The following CDH13 variants were observed in gnomAD, a reference collection of about 807,000 sequenced individuals.
The protein encoded by CDH13 is cadherin 13.
In CDH13, 24 loss-of-function variants were observed where a neutral mutation model predicts 63.8. That is an observed-to-expected ratio of 0.38 (90% CI 0.27 to 0.53). CDH13 has a LOEUF of 0.53. CDH13 is among the 20% of genes least tolerant of loss of function. The pLI, the probability that CDH13 is intolerant of heterozygous loss-of-function variation, is 0.85. For missense variants in CDH13, 1,049 were observed against 903.1 expected, an observed-to-expected ratio of 1.16 and a Z score of -2.07; for synonymous variants, 503 against 355.3, an observed-to-expected ratio of 1.42 and a Z score of -4.67.
chr16:83,279,672 CCT>C (rs1179633958), intron 5 of CDH13, among the ~76,000 whole-genome samples: 1 of 152,136 alleles, frequency 6.6e-6, no homozygotes, highest in African/African-American at 2.4e-5. Context: ...TCATTAGCTT[CCT>C]CTCTCACAAC....
intron 1 of CDH13, among the ~76,000 whole-genome samples, chr16:82,739,085 G>C (rs1257976346): frequency 2.6e-5 from 4 of 152,166 alleles, no homozygotes; most frequent in African/African-American, 9.7e-5. Context: ...CTGTGCCCTG[G>C]TTATGATTGA....
intron 5 of CDH13, among the ~76,000 whole-genome samples, chr16:83,265,463 C>T (rs1054831990): frequency 6.6e-6 from 1 of 152,148 alleles, no homozygotes; most frequent in African/African-American, 2.4e-5. Flanking sequence ...TTTCTTTCAG[C>T]TCCCTTTTAC....
rs536636919 is a variant in CDH13, at chr16:83,484,780, G to C, written c.782-1697G>C. ...TGAATAAAGTATTGTGGCATGTTCT[G>C]TGTGTAAGCATGTTCACAAAAATGG... On this transcript the variant is annotated intron_variant, in intron 6 of 13. Transcript: ENST00000567109. Among the ~76,000 whole-genome samples, 14 of 152,276 alleles carry C rather than the reference G, an allele frequency of 9.2e-5. No individual in the cohort carries two copies. The South Asian group carries it at 1.9e-3, about 20-fold the overall frequency.
chr16:83,200,373 G>C (rs1258616482), intron 4 of CDH13, among the ~76,000 whole-genome samples: 1 of 152,146 alleles, frequency 6.6e-6, no homozygotes, highest in South Asian at 2.1e-4. Flanking sequence ...TTTTCTGCTG[G>C]TCTTTAGATG....
intron 1 of CDH13, among the ~76,000 whole-genome samples, chr16:82,709,367 CA>C (rs1408704543): frequency 6.6e-6 from 1 of 152,220 alleles, no homozygotes; most frequent in East Asian, 1.9e-4. Context: ...AAAATAGACC[CA>C]ATTCTATGTC....
chr16:83,426,918 T>A (rs2071924920), intron 6 of CDH13, among the ~76,000 whole-genome samples: 1 of 87,884 alleles, frequency 1.1e-5, no homozygotes, highest in Non-Finnish European at 2.3e-5. Context: ...TTTTTTTTTT[T>A]TTTTTTTTTT....
intron 2 of CDH13, among the ~76,000 whole-genome samples, chr16:83,027,445 C>T (rs1915921474): frequency 6.6e-6 from 1 of 152,086 alleles, no homozygotes; most frequent in African/African-American, 2.4e-5. Context: ...TGAGAAATGC[C>T]TTCTGCAGAG....
intron 2 of CDH13, among the ~76,000 whole-genome samples, chr16:83,005,219 C>G (rs1209767261): frequency 1.3e-5 from 2 of 152,202 alleles, no homozygotes; most frequent in Non-Finnish European, 2.9e-5. Context: ...CTACCCTTCA[C>G]AGCTGGACAT....
At chr16:83,394,833 T>A (rs1403105933) in intron 6 of CDH13, among the ~76,000 whole-genome samples, 1 of 151,906 alleles carries the variant, frequency 6.6e-6, no homozygotes, top group Non-Finnish European at 1.5e-5. Context: ...ATGGATGGTG[T>A]GTGTGGTTCA....
At chr16:83,295,202 A>G (rs889084791) in intron 5 of CDH13, among the ~76,000 whole-genome samples, 1 of 152,148 alleles carries the variant, frequency 6.6e-6, no homozygotes, top group African/African-American at 2.4e-5. Context: ...TTGGACTCCT[A>G]TCTGACACCA....
At chr16:82,669,743 G>T (rs1055699575) in intron 1 of CDH13, among the ~76,000 whole-genome samples, 2 of 152,128 alleles carry the variant, frequency 1.3e-5, no homozygotes, top group African/African-American at 4.8e-5. Context: ...TATATAATTG[G>T]ACGGAACCAT....
At chr16:83,681,554 T>C (rs538791967) in intron 10 of CDH13, among the ~76,000 whole-genome samples, 7 of 152,154 alleles carry the variant, frequency 4.6e-5, no homozygotes, top group African/African-American at 1.7e-4. Context: ...TTTCCCCTCC[T>C]CCGTTCTTCT....
intron 1 of CDH13, among the ~76,000 whole-genome samples, chr16:82,703,412 C>G (rs977303128): frequency 6.6e-6 from 1 of 152,084 alleles, no homozygotes; most frequent in Non-Finnish European, 1.5e-5. Flanking sequence ...AGAACTCGTA[C>G]CCCCAGGATC....
At chr16:82,732,464 T>C (rs558820380) in intron 1 of CDH13, among the ~76,000 whole-genome samples, 1 of 152,362 alleles carries the variant, frequency 6.6e-6, no homozygotes, top group South Asian at 2.1e-4. Flanking sequence ...TTATTTCTCA[T>C]ATTGTTATTG....
rs71148833 is a variant in CDH13, at chr16:83,426,907, CTTTTTTTTTTTTT to C, written c.782-59550_782-59538del. ...TCAGAATCTATAAATATGTTTCTTT[CTTTTTTTTTTTTT>C]TTTTTTTTTTTTTTTTTTTGAAGAC... On this transcript the variant is annotated intron_variant, in intron 6 of 13. Transcript: ENST00000567109. Among the ~76,000 whole-genome samples the C allele has an allele frequency of 3.5e-3, 224 of 63,184 alleles. 1 individual carries two copies. The highest frequency in any genetic ancestry group is 0.015 in the African/African-American group (213 of 14,126). The allele number at this position is 63,184 out of a possible 152,430, so 41.5% of individuals were successfully genotyped here.
chr16:83,054,428 G>A (rs1327190455), intron 3 of CDH13, among the ~76,000 whole-genome samples: 1 of 152,164 alleles, frequency 6.6e-6, no homozygotes, highest in Non-Finnish European at 1.5e-5. Flanking sequence ...TGATATCTCA[G>A]CAGTTGACAT....
At chr16:83,005,064 C>T (rs1279884252) in intron 2 of CDH13, among the ~76,000 whole-genome samples, 1 of 152,184 alleles carries the variant, frequency 6.6e-6, no homozygotes, top group Admixed American at 6.5e-5. Context: ...AGCTGAGTCA[C>T]ATGGCTATGG....
intron 6 of CDH13, among the ~76,000 whole-genome samples, chr16:83,387,815 T>G (rs2091704534): frequency 6.6e-6 from 1 of 152,216 alleles, no homozygotes; most frequent in Admixed American, 6.5e-5. Flanking sequence ...CACTTTCCCC[T>G]TGCTGTCTCT....
chr16:82,638,171 C>T (rs1057464465), intron 1 of CDH13, among the ~76,000 whole-genome samples: 2 of 152,244 alleles, frequency 1.3e-5, no homozygotes, highest in African/African-American at 4.8e-5. Context: ...CTATGAAGAA[C>T]GCTGCAAACC....
Sources: gnomAD v4.1 joint callset for allele counts (sites outside exome capture counted in the v4.1 genomes callset) on GRCh38, gnomAD v4.1.1 for gene constraint, MANE v1.5 for transcripts, NCBI Gene and HGNC (gene_info 2026-07-23, HGNC 2026-07-21) for gene names.